The following NBEAL1 variants were observed in gnomAD, a reference collection of about 807,000 sequenced individuals.
The protein encoded by NBEAL1 is neurobeachin like 1, also known as neurobeachin-like protein 1.
In NBEAL1, 273 loss-of-function variants were observed where a neutral mutation model predicts 351.3. That is an observed-to-expected ratio of 0.78 (90% CI 0.70 to 0.86). The LOEUF (loss-of-function observed/expected upper bound fraction) is 0.86, where lower values mean the gene tolerates loss of function less well. NBEAL1 is among the 40% of genes least tolerant of loss of function. The pLI is 0.00. For missense variants in NBEAL1, 2,961 were observed against 3,201.3 expected (o/e 0.92, Z 1.81); for synonymous variants, 1,050 against 1,086.4 (o/e 0.97, Z 0.66).
chr2:203,112,043 A>G lies in NBEAL1; in HGVS notation c.2147A>G (p.Tyr716Cys). The G allele has an allele frequency of 3.2e-6, 5 of 1,552,508 alleles. No homozygotes were observed. Among genetic ancestry groups the G allele is most frequent in the Non-Finnish European group, 8.7e-7 (1 of 1,147,164 alleles). The change falls in exon 16 of 56, where the codon TAT becomes TGT. Residue 716 changes from tyrosine (Y) to cysteine (C), a missense_variant. Tyr to Cys is a radical substitution (Grantham distance 194). Transcript: ENST00000683969. ...TTTGGTCAGAGCTTCGTCTATATCT[A>G]TGACAATGGACAACAGAAGGTTTCT... Reference protein sequence around the residue: ...RPFGQSFVYIYDNGQQKVSAP... With the variant: ...RPFGQSFVYICDNGQQKVSAP...
chr2:203,068,004 A>C (rs1396037623), intron 6 of NBEAL1, among the ~76,000 whole-genome samples: 1 of 152,228 alleles, frequency 6.6e-6, no homozygotes, highest in Non-Finnish European at 1.5e-5. Context: ...ATAAAGTTTC[A>C]GAAAGTGGCA....
chr2:203,208,645 T>G lies in NBEAL1; in HGVS notation c.7515T>G (p.Val2505=), dbSNP rs768460521. Residue 2505 remains valine, a synonymous_variant, in exon 52 of 56, where the codon GTT becomes GTG. Coordinates refer to ENST00000683969, the MANE Select transcript of NBEAL1 (RefSeq NM_001378026.1). ...TTCTCTTGTATTATTAGGGAGGTGT[T>G]CCTGTGGGCTTAGCATCTAAACCTT... is the stretch of plus-strand genomic sequence containing the variant. The part of the protein sequence containing the change: ...MIWQITQQGG[V]PVGLASKPFQ... 4 of 1,606,208 alleles carry G rather than the reference T, an allele frequency of 2.5e-6. No individual in the cohort carries two copies.
chr2:203,074,744 C>CAG (rs2061741805), intron 7 of NBEAL1: 1 of 170,084 alleles, frequency 5.9e-6, no homozygotes, highest in Non-Finnish European at 1.3e-5. Flanking sequence ...GGCAGTCTAA[C>CAG]ATATGCCTTC....
At position 203,173,831 on chromosome 2, in the gene NBEAL1, T is replaced by G. The variant is rs563590087; in HGVS notation, c.6323+978T>G. Among the ~76,000 whole-genome samples the G allele has an allele frequency of 2.0e-5, 3 of 152,274 alleles. No homozygotes were observed. The South Asian group carries it at 6.2e-4, about 32-fold the overall frequency. Reference sequence around the variant, plus strand: ...ATACAAATGGCTTTGACCTGAAAACTTTTTTATTCTCCTGAATATTAATGA... The same window carrying G: ...ATACAAATGGCTTTGACCTGAAAACGTTTTTATTCTCCTGAATATTAATGA... On this transcript the variant is annotated intron_variant, in intron 41 of 55. Transcript: ENST00000683969.
At chr2:203,099,536 T>G in intron 11 of NBEAL1, 93 bp from the exon 12 acceptor site, 3 of 736,752 alleles carry the variant, frequency 4.1e-6, no homozygotes, top group Non-Finnish European at 6.7e-6. Context: ...GTTAAGTAAT[T>G]ATTTTTTCAG....
intron 3 of NBEAL1, among the ~76,000 whole-genome samples, chr2:203,044,399 G>T (rs1188926408): frequency 6.6e-6 from 1 of 152,140 alleles, no homozygotes; most frequent in Non-Finnish European, 1.5e-5. Flanking sequence ...ATGGAGCTAA[G>T]AATTTTATAG....
chr2:203,040,508 T>C, intron 2 of NBEAL1: 1 of 675,314 alleles, frequency 1.5e-6, no homozygotes, highest in Non-Finnish European at 2.7e-6. Flanking sequence ...CTGCTTATAG[T>C]GGAAACTTAT....
At position 203,108,192 on chromosome 2, in the gene NBEAL1, T is replaced by C; in HGVS notation, c.1949+4T>C. ...GGAAAAGGAAACAATTGTACAGGTA[T>C]TGGTAAAAATTATGGAATATAAATG... On this transcript the variant is annotated splice_donor_region_variant and intron_variant, in intron 14 of 55. Transcript: ENST00000683969. The C allele has an allele frequency of 6.5e-7, 1 of 1,529,894 alleles. No individual in the cohort carries two copies. Among genetic ancestry groups the C allele is most frequent in the Non-Finnish European group, 8.8e-7 (1 of 1,132,662 alleles). The allele number at this position is 1,529,894 out of a possible 1,614,324, so 94.8% of individuals were successfully genotyped here.
rs759528842 is a variant in NBEAL1, at chr2:203,209,234, C to T, written c.7697C>T (p.Ser2566Phe). The T allele has an allele frequency of 2.0e-5, 33 of 1,613,544 alleles. 1 individual carries two copies. The highest frequency in any genetic ancestry group is 3.3e-4 in the Middle Eastern group (2 of 6,082). Reference protein sequence around the residue: ...MRTLRPPCESSLFLTIPNLAI... With the variant: ...MRTLRPPCESFLFLTIPNLAI... ...ACTTTACGACCACCTTGTGAGAGTT[C>T]TCTGTTCCTGACCATTCCTAATTTG... The change falls in exon 53 of 56, where the codon TCT becomes TTT. Residue 2566 changes from serine (S) to phenylalanine (F), a missense_variant. By Grantham distance (155) the Ser-to-Phe change is radical. Coordinates refer to ENST00000683969, the MANE Select transcript of NBEAL1 (RefSeq NM_001378026.1).
At chr2:203,046,470 C>T (rs1398565768) in intron 3 of NBEAL1, among the ~76,000 whole-genome samples, 2 of 152,106 alleles carry the variant, frequency 1.3e-5, no homozygotes, top group African/African-American at 2.4e-5. Context: ...CCACCCGCCT[C>T]GGCCTCCCAA....
chr2:203,142,729 A>G (rs146767262), intron 31 of NBEAL1, among the ~76,000 whole-genome samples: 1 of 152,328 alleles, frequency 6.6e-6, no homozygotes, highest in Non-Finnish European at 1.5e-5. Context: ...ACATACCAAA[A>G]AAAAGCCCAT....
rs918178585 is a variant in NBEAL1, at chr2:203,224,314, A to G, written c.*6960A>G. 4.6e-5 allele frequency among the ~76,000 whole-genome samples: 7 copies of G among 152,072 alleles called. No homozygotes were observed. Among genetic ancestry groups the G allele is most frequent in the African/African-American group, 1.7e-4 (7 of 41,434 alleles). On this transcript the variant is annotated 3_prime_UTR_variant, in exon 56 of 56. Coordinates refer to ENST00000683969, the MANE Select transcript of NBEAL1 (RefSeq NM_001378026.1). ...GAAAACTATGTGGCTGGTTGGTTCCATTTAGAAACTCTTAACAGGTATGGC... is the reference window on the plus strand; with the variant it reads ...GAAAACTATGTGGCTGGTTGGTTCCGTTTAGAAACTCTTAACAGGTATGGC...
rs573323786 is a variant in NBEAL1, at chr2:203,221,708, G to T, written c.*4354G>T. On this transcript the variant is annotated 3_prime_UTR_variant, in exon 56 of 56. Coordinates refer to ENST00000683969, the MANE Select transcript of NBEAL1 (RefSeq NM_001378026.1). ...TCTCAATATTCTTTTTGCTGAATTC[G>T]TATATTGTATATGCTCAACATATTA... 3.3e-5 allele frequency among the ~76,000 whole-genome samples: 5 copies of T among 152,060 alleles called. No individual in the cohort carries two copies. The highest frequency in any genetic ancestry group is 2.0e-4 in the Admixed American group (3 of 15,258).
At chr2:203,052,175 G>A (rs1362546544) in intron 4 of NBEAL1, 2 of 151,654 alleles carry the variant, frequency 1.3e-5, no homozygotes, top group East Asian at 1.9e-4. Flanking sequence ...AAAATGGCCT[G>A]TGCTCCACCT....
At chr2:203,129,991 A>G (rs2063036629) in intron 24 of NBEAL1, among the ~76,000 whole-genome samples, 1 of 152,158 alleles carries the variant, frequency 6.6e-6, no homozygotes, top group African/African-American at 2.4e-5. Flanking sequence ...ACGAAACCCC[A>G]TTCCTACCAG....
At chr2:203,028,825 A>G (rs2060903149) in intron 2 of NBEAL1, among the ~76,000 whole-genome samples, 1 of 151,894 alleles carries the variant, frequency 6.6e-6, no homozygotes, top group African/African-American at 2.4e-5. Flanking sequence ...AAATTTATAA[A>G]TTGTATTTTT....
At chr2:203,108,212 T>C (rs1367847002) in intron 14 of NBEAL1, 24 bp downstream of exon 14, 1 of 1,471,300 alleles carries the variant, frequency 6.8e-7, no homozygotes, top group Non-Finnish European at 9.2e-7. Flanking sequence ...TTATGGAATA[T>C]AAATGAATAC....
chr2:203,203,288 C>G (rs1439641368), intron 51 of NBEAL1, among the ~76,000 whole-genome samples: 1 of 148,894 alleles, frequency 6.7e-6, no homozygotes, highest in East Asian at 2.0e-4. Context: ...ATTACAGGCA[C>G]GTGCCACCAT....
chr2:203,193,461 TA>T (rs1432672868), intron 46 of NBEAL1, among the ~76,000 whole-genome samples: 1 of 152,036 alleles, frequency 6.6e-6, no homozygotes, highest in Non-Finnish European at 1.5e-5. Context: ...AGACAGACCA[TA>T]AACAACTATA....
Sources: gnomAD v4.1 joint callset for allele counts (sites outside exome capture counted in the v4.1 genomes callset) on GRCh38, gnomAD v4.1.1 for gene constraint, MANE v1.5 for transcripts, NCBI Gene and HGNC (gene_info 2026-07-23, HGNC 2026-07-21) for gene names.